Variants in GRID2 observed in about 807,000 individuals in gnomAD.
GRID2 encodes glutamate ionotropic receptor delta type subunit 2.
GRID2 carries 33 observed loss-of-function variants against 114.8 expected under a neutral mutation model. That is an observed-to-expected ratio of 0.29 (90% confidence interval 0.22 to 0.38). The LOEUF (loss-of-function observed/expected upper bound fraction) is 0.38. GRID2 is among the 10% of genes least tolerant of loss of function. GRID2 has a pLI of 1.00. For synonymous variants in GRID2, 505 were observed against 449.9 expected (o/e 1.12, Z -1.55); for missense variants, 1,184 against 1,257.7 (o/e 0.94, Z 0.89).
intron 1 of GRID2, among the ~76,000 whole-genome samples, chr4:92,352,237 A>G (rs1728104140): frequency 6.6e-6 from 1 of 151,742 alleles, no homozygotes; most frequent in Non-Finnish European, 1.5e-5. Flanking sequence ...CATTACTCTT[A>G]TGATTAGTGG....
At chr4:93,779,427 A>C (rs531931389), downstream of GRID2, among the ~76,000 whole-genome samples, 3 of 152,184 alleles carry the variant, frequency 2.0e-5, no homozygotes, top group East Asian at 5.8e-4. Context: ...TGAAGCTTTG[A>C]TCCTCTCATT....
At chr4:93,000,936 C>G (rs1720914260) in intron 2 of GRID2, among the ~76,000 whole-genome samples, 1 of 150,624 alleles carries the variant, frequency 6.6e-6, no homozygotes, top group Non-Finnish European at 1.5e-5. Context: ...CTAAATATAC[C>G]CTGTGAATCT....
At chr4:93,362,666 G>T (rs866897334) in intron 8 of GRID2, among the ~76,000 whole-genome samples, 29 of 152,024 alleles carry the variant, frequency 1.9e-4, no homozygotes, top group African/African-American at 6.8e-4. Flanking sequence ...TCTCACAACA[G>T]AAATTGCTCC....
At chr4:92,769,762 T>C (rs1020346162) in intron 2 of GRID2, among the ~76,000 whole-genome samples, 1 of 152,076 alleles carries the variant, frequency 6.6e-6, no homozygotes, top group African/African-American at 2.4e-5. Context: ...CTGGAGTGAC[T>C]GGGATACAGG....
chr4:93,368,893 G>A (rs186618077), intron 8 of GRID2, among the ~76,000 whole-genome samples: 24 of 152,150 alleles, frequency 1.6e-4, no homozygotes, highest in African/African-American at 4.8e-4. Flanking sequence ...AAAAGAAAAC[G>A]TTGATTTCAT....
At chr4:92,998,144 C>T (rs1052194891) in intron 2 of GRID2, among the ~76,000 whole-genome samples, 11 of 151,860 alleles carry the variant, frequency 7.2e-5, no homozygotes, top group Non-Finnish European at 1.5e-4. Context: ...AGAACTTGCT[C>T]CCTTGAAATT....
chr4:92,930,350 A>G (rs1483899619), intron 2 of GRID2, among the ~76,000 whole-genome samples: 1 of 151,348 alleles, frequency 6.6e-6, no homozygotes, highest in African/African-American at 2.4e-5. Context: ...TTATTATTAA[A>G]TATAAAACAT....
intron 13 of GRID2, among the ~76,000 whole-genome samples, chr4:93,538,203 A>T (rs1307546661): frequency 6.6e-6 from 1 of 151,658 alleles, no homozygotes; most frequent in Non-Finnish European, 1.5e-5. Context: ...AATCTGGAAA[A>T]TTTTTTCATT....
intron 1 of GRID2, among the ~76,000 whole-genome samples, chr4:93,788,179 A>T (rs768500723): frequency 2.3e-4 from 35 of 152,016 alleles, no homozygotes; most frequent in Admixed American, 4.6e-4. Flanking sequence ...TTAGCCAGGC[A>T]TGGTGGCAGG....
intron 1 of GRID2, among the ~76,000 whole-genome samples, chr4:92,458,454 T>A (rs1721323104): frequency 6.6e-6 from 1 of 152,112 alleles, no homozygotes; most frequent in Admixed American, 6.6e-5. Context: ...CTTTTAGGAG[T>A]CACAGTGGCA....
At chr4:92,743,345 T>C (rs1176954024) in intron 2 of GRID2, among the ~76,000 whole-genome samples, 1 of 152,220 alleles carries the variant, frequency 6.6e-6, no homozygotes, top group African/African-American at 2.4e-5. Flanking sequence ...TAGGCCATTA[T>C]ATTTTTGTGC....
chr4:93,207,350 G>A, intron 4 of GRID2, 54 bp from the exon 5 acceptor site: 1 of 1,145,526 alleles, frequency 8.7e-7, no homozygotes, highest in South Asian at 1.2e-5. Context: ...CATTTAGTTG[G>A]GTTTGTTTTG....
At chr4:93,544,780 A>G (rs1419327236) in intron 13 of GRID2, among the ~76,000 whole-genome samples, 2 of 73,124 alleles carry the variant, frequency 2.7e-5, no homozygotes, top group Admixed American at 1.1e-4. Flanking sequence ...TCCCTCTGGA[A>G]AAAAAAAAAA....
At chr4:93,598,496 CAAAG>C (rs1352066711) in intron 13 of GRID2, among the ~76,000 whole-genome samples, 1 of 152,152 alleles carries the variant, frequency 6.6e-6, no homozygotes, top group African/African-American at 2.4e-5. Context: ...TTCTTGCTGA[CAAAG>C]AGAATAAATG....
intron 2 of GRID2, chr4:92,702,788 T>C (rs1054068876): frequency 6.6e-6 from 1 of 152,126 alleles, no homozygotes; most frequent in Non-Finnish European, 1.5e-5. Flanking sequence ...TTGGGTATTA[T>C]AGGTAGGTCA....
intron 2 of GRID2, among the ~76,000 whole-genome samples, chr4:92,894,465 A>C (rs531916649): frequency 3.0e-4 from 45 of 152,242 alleles, no homozygotes; most frequent in African/African-American, 9.9e-4. Flanking sequence ...TTGAAGTTTA[A>C]TGTTAAAAAA....
intron 13 of GRID2, among the ~76,000 whole-genome samples, chr4:93,608,296 C>CTTTTTTTTTTTTTTTTTTTTTTTTT (rs774334616): frequency 6.0e-5 from 7 of 116,988 alleles, no homozygotes; most frequent in Admixed American, 9.1e-5. Flanking sequence ...ATTTTTTTTT[C>CTTTTTTTTTTTTTTTTTTTTTTTTT]TTTTTTTTTT....
At chr4:93,061,882 G>A (rs764721881) in intron 2 of GRID2, among the ~76,000 whole-genome samples, 8 of 152,024 alleles carry the variant, frequency 5.3e-5, no homozygotes, top group Admixed American at 1.3e-4. Context: ...AAGTGCTTTC[G>A]AGGAATCCGT....
At chr4:92,307,692 C>T (rs1167727664) in intron 1 of GRID2, among the ~76,000 whole-genome samples, 1 of 151,896 alleles carries the variant, frequency 6.6e-6, no homozygotes, top group Non-Finnish European at 1.5e-5. Context: ...CAAAAATGCA[C>T]AATTTTATGA....
Sources: gnomAD v4.1 joint callset for allele counts (sites outside exome capture counted in the v4.1 genomes callset) on GRCh38, gnomAD v4.1.1 for gene constraint, MANE v1.5 for transcripts, NCBI Gene and HGNC (gene_info 2026-07-23, HGNC 2026-07-21) for gene names.